STX8: variants seen among roughly 807,000 people sequenced by gnomAD.
STX8 encodes syntaxin-8.
STX8 carries 23 observed loss-of-function variants against 37.5 expected under a neutral mutation model. The observed-to-expected ratio is 0.61, with a 90% CI of 0.44 to 0.87. The LOEUF is 0.87. Ranked by LOEUF, STX8 falls within the 40% of genes least tolerant of loss-of-function variation. The probability of loss-of-function intolerance (pLI) is 0.00; values close to 1 mark genes in which losing one functional copy is unlikely to be tolerated. For missense variants in STX8, 313 were observed against 284.7 expected (o/e 1.10, Z -0.71); for synonymous variants, 115 against 99.1 (o/e 1.16, Z -0.95).
chr17:9,250,714 G>GTC, intron 7 of STX8, 69 bp from the exon 8 acceptor site: 1 of 1,424,596 alleles, frequency 7.0e-7, no homozygotes, highest in Non-Finnish European at 9.7e-7. Flanking sequence ...CATTCTGAGT[G>GTC]TCTGCAGAGA....
rs182380712 is a variant in STX8 at position 9,308,162 on chromosome 17, C to T, written c.644-57517G>A. Among the ~76,000 whole-genome samples the T allele has an allele frequency of 9.7e-4, 148 of 152,286 alleles. 2 individuals carry two copies. The highest frequency in any genetic ancestry group is 8.9e-3 in the Admixed American group (136 of 15,296). ...ATGTAGAAATGTGATCAAACAAAGACGGTGTGATCTAATAGTAATAGACTG... is the reference window on the plus strand; with the variant it reads ...ATGTAGAAATGTGATCAAACAAAGATGGTGTGATCTAATAGTAATAGACTG... On this transcript the variant is annotated intron_variant, in intron 7 of 7. Coordinates refer to ENST00000306357, the MANE Select transcript of STX8 (RefSeq NM_004853.3).
intron 7 of STX8, among the ~76,000 whole-genome samples, chr17:9,288,599 T>C (rs999722223): frequency 2.0e-5 from 3 of 151,926 alleles, no homozygotes; most frequent in Admixed American, 1.3e-4. Flanking sequence ...GAGGTGGAGC[T>C]TGCAGTGAGC....
chr17:9,274,480 T>C (rs1317749216), intron 7 of STX8, among the ~76,000 whole-genome samples: 1 of 151,566 alleles, frequency 6.6e-6, no homozygotes, highest in African/African-American at 2.4e-5. Context: ...ATCGAGACCA[T>C]CCTGGCTAAC....
chr17:9,332,359 GT>G, intron 7 of STX8, among the ~76,000 whole-genome samples: 1 of 152,300 alleles, frequency 6.6e-6, no homozygotes, highest in East Asian at 1.9e-4. Context: ...TGCGGACGGA[GT>G]TAACAAATCA....
intron 4 of STX8, among the ~76,000 whole-genome samples, chr17:9,520,793 TAGC>T (rs1947127398): frequency 6.6e-6 from 1 of 152,226 alleles, no homozygotes; most frequent in African/African-American, 2.4e-5. Context: ...AGAATTGAAA[TAGC>T]AGTGAATTCC....
chr17:9,353,754 C>T (rs1910788501), intron 7 of STX8, among the ~76,000 whole-genome samples: 2 of 152,170 alleles, frequency 1.3e-5, no homozygotes, highest in South Asian at 4.1e-4. Context: ...AAGTCACTTA[C>T]ATTCTTCTTT....
At chr17:9,444,324 C>T (rs944708641) in intron 6 of STX8, among the ~76,000 whole-genome samples, 2 of 152,178 alleles carry the variant, frequency 1.3e-5, no homozygotes, top group African/African-American at 2.4e-5. Context: ...GCTCTAACAA[C>T]GCAAAGCGCA....
At chr17:9,445,642 C>T (rs921594378) in intron 6 of STX8, among the ~76,000 whole-genome samples, 1 of 151,742 alleles carries the variant, frequency 6.6e-6, no homozygotes, top group African/African-American at 2.4e-5. Flanking sequence ...AAGCAGGTAC[C>T]GTGTTTTATA....
At chr17:9,395,218 T>C (rs1912357559) in intron 6 of STX8, among the ~76,000 whole-genome samples, 1 of 152,160 alleles carries the variant, frequency 6.6e-6, no homozygotes, top group Non-Finnish European at 1.5e-5. Context: ...CATATAAAAA[T>C]GAAAACTACA....
chr17:9,536,431 CT>C (rs1906059584), intron 4 of STX8, among the ~76,000 whole-genome samples: 1 of 152,172 alleles, frequency 6.6e-6, no homozygotes. Flanking sequence ...ATGTTTTTCC[CT>C]ATTTAAGCCA....
chr17:9,492,657 AGAT>A, intron 5 of STX8, among the ~76,000 whole-genome samples: 1 of 152,330 alleles, frequency 6.6e-6, no homozygotes, highest in East Asian at 1.9e-4. Flanking sequence ...TGCTCTATGA[AGAT>A]GAACCAGCTG....
intron 7 of STX8, among the ~76,000 whole-genome samples, chr17:9,301,117 C>G (rs1246367436): frequency 6.6e-6 from 1 of 152,130 alleles, no homozygotes; most frequent in Non-Finnish European, 1.5e-5. Context: ...CAGACGTGAG[C>G]CACCACTCCT....
intron 6 of STX8, among the ~76,000 whole-genome samples, chr17:9,414,067 C>T (rs1401111359): frequency 1.5e-4 from 20 of 131,486 alleles, no homozygotes; most frequent in South Asian, 2.5e-4. Flanking sequence ...TCCATCCATC[C>T]ATCCACCCAT....
At chr17:9,298,066 C>T (rs1413268580) in intron 7 of STX8, among the ~76,000 whole-genome samples, 2 of 152,122 alleles carry the variant, frequency 1.3e-5, no homozygotes, top group Non-Finnish European at 2.9e-5. Context: ...TTCAGGATAC[C>T]CAAAATTCCA....
chr17:9,290,816 A>T (rs571767526), intron 7 of STX8, among the ~76,000 whole-genome samples: 1 of 152,198 alleles, frequency 6.6e-6, no homozygotes, highest in Admixed American at 6.5e-5. Context: ...AAAGGCACAC[A>T]TTGCCACCCA....
intron 6 of STX8, 47 bp from the exon 7 acceptor site, chr17:9,378,700 C>T (rs1567804028): frequency 1.4e-6 from 2 of 1,379,346 alleles, no homozygotes; most frequent in Non-Finnish European, 2.1e-6. Flanking sequence ...TACCCCGGTT[C>T]ACATCACAGT....
At chr17:9,296,048 G>A (rs1270547623) in intron 7 of STX8, among the ~76,000 whole-genome samples, 1 of 152,152 alleles carries the variant, frequency 6.6e-6, no homozygotes, top group Non-Finnish European at 1.5e-5. Context: ...AAATTAGCCG[G>A]GGGCGGTGGC....
chr17:9,384,309 A>G (rs975433430), intron 6 of STX8, among the ~76,000 whole-genome samples: 1 of 152,172 alleles, frequency 6.6e-6, no homozygotes, highest in African/African-American at 2.4e-5. Flanking sequence ...TAAAATTTAC[A>G]AAGAAAATTA....
intron 6 of STX8, among the ~76,000 whole-genome samples, chr17:9,454,563 C>T (rs971986888): frequency 6.6e-6 from 1 of 151,848 alleles, no homozygotes; most frequent in South Asian, 2.1e-4. Flanking sequence ...GCCTATAGTC[C>T]CAGCTACTCG....
Sources: gnomAD v4.1 joint callset for allele counts (sites outside exome capture counted in the v4.1 genomes callset) on GRCh38, gnomAD v4.1.1 for gene constraint, MANE v1.5 for transcripts, NCBI Gene and HGNC (gene_info 2026-07-23, HGNC 2026-07-21) for gene names.